Variants in SNTG2 observed in about 807,000 individuals in gnomAD.
The protein encoded by SNTG2 is syntrophin gamma 2.
In SNTG2, 74 loss-of-function variants were observed where a neutral mutation model predicts 70.9. That is an observed-to-expected ratio of 1.04 (90% CI 0.86 to 1.27). The LOEUF (loss-of-function observed/expected upper bound fraction) is 1.27. Among genes scored for constraint, SNTG2 ranks in the 50% most tolerant of loss-of-function variants. The pLI, the probability that SNTG2 is intolerant of heterozygous loss-of-function variation, is 0.00. For synonymous variants in SNTG2, 278 were observed against 273.8 expected (o/e 1.02, Z -0.15); for missense variants, 717 against 690.7 (o/e 1.04, Z -0.43).
chr2:970,586 A>G (rs1175085956), intron 1 of SNTG2, among the ~76,000 whole-genome samples: 1 of 143,820 alleles, frequency 7.0e-6, no homozygotes, highest in Non-Finnish European at 1.5e-5. Context: ...TGTCCCTACA[A>G]AGGACATGAA....
rs568858010 is a variant in SNTG2, at chr2:1,215,541, C to T, written c.719+6311C>T. Among the ~76,000 whole-genome samples the T allele has an allele frequency of 2.4e-3, 246 of 101,590 alleles. 1 individual carries two copies. The highest frequency in any genetic ancestry group is 0.014 in the African/African-American group (230 of 17,024). The allele number at this position is 101,590 out of a possible 152,430, so 66.6% of individuals were successfully genotyped here. On this transcript the variant is annotated intron_variant, in intron 9 of 16. Transcript: ENST00000308624. The stretch of plus-strand genomic sequence containing the variant: ...TTTAAAAGCGTGTTTTACACTAATT[C>T]TTTTTTTTCTTTTTTTTCTTTTTTT...
chr2:1,011,081 GT>G (rs961543308), intron 1 of SNTG2, among the ~76,000 whole-genome samples: 1 of 152,200 alleles, frequency 6.6e-6, no homozygotes, highest in African/African-American at 2.4e-5. Context: ...TTTTCTTTTA[GT>G]TTATTGAACG....
chr2:1,196,082 G>A (rs1015296073), intron 8 of SNTG2, among the ~76,000 whole-genome samples: 3 of 152,032 alleles, frequency 2.0e-5, no homozygotes, highest in African/African-American at 7.2e-5. Context: ...GTGAGTAACT[G>A]CTTTATAGTT....
chr2:1,306,551 G>A (rs1003207101), intron 14 of SNTG2, among the ~76,000 whole-genome samples: 11 of 152,218 alleles, frequency 7.2e-5, no homozygotes, highest in Non-Finnish European at 1.3e-4. Context: ...GGAGCGGGGG[G>A]ACAGTGGAGG....
chr2:1,078,108 T>C (rs2148155902), intron 1 of SNTG2, among the ~76,000 whole-genome samples: 1 of 152,336 alleles, frequency 6.6e-6, no homozygotes, highest in South Asian at 2.1e-4. Flanking sequence ...TTATTGGAAC[T>C]GCATGGATAA....
chr2:1,179,748 T>C (rs1220421255), intron 8 of SNTG2, among the ~76,000 whole-genome samples: 9 of 150,202 alleles, frequency 6.0e-5, no homozygotes, highest in Non-Finnish European at 1.3e-4. Flanking sequence ...AAAAAGAGCC[T>C]GCATCGCCAA....
chr2:1,165,275 A>T (rs966167297), intron 6 of SNTG2, among the ~76,000 whole-genome samples: 12 of 152,138 alleles, frequency 7.9e-5, no homozygotes, highest in Non-Finnish European at 1.8e-4. Context: ...AGGGATGCAG[A>T]GAGCATCCCT....
At chr2:966,322 T>G (rs952025972) in intron 1 of SNTG2, among the ~76,000 whole-genome samples, 4 of 152,248 alleles carry the variant, frequency 2.6e-5, no homozygotes, top group African/African-American at 9.6e-5. Context: ...TACTTAAAAA[T>G]TTAAATATCT....
chr2:1,187,943 C>T (rs994247308), intron 8 of SNTG2, among the ~76,000 whole-genome samples: 1 of 152,184 alleles, frequency 6.6e-6, no homozygotes, highest in Non-Finnish European at 1.5e-5. Flanking sequence ...AACAGACTTT[C>T]GCTAGTAGAA....
intron 14 of SNTG2, among the ~76,000 whole-genome samples, chr2:1,295,027 T>G (rs1368681514): frequency 1.3e-5 from 2 of 152,012 alleles, no homozygotes; most frequent in Admixed American, 6.6e-5. Flanking sequence ...CTGCGCTGAG[T>G]GTGAAGGATC....
At chr2:995,953 CTG>C (rs915121740) in intron 1 of SNTG2, among the ~76,000 whole-genome samples, 3 of 152,260 alleles carry the variant, frequency 2.0e-5, no homozygotes, top group South Asian at 2.1e-4. Context: ...AATAGAATTT[CTG>C]GTTTTAAAAT....
intron 16 of SNTG2, among the ~76,000 whole-genome samples, chr2:1,362,813 G>A (rs575541842): frequency 1.5e-4 from 22 of 151,286 alleles, no homozygotes; most frequent in African/African-American, 4.4e-4. Context: ...GAAAGTCACC[G>A]ATGCTGAGCA....
At chr2:1,207,594 G>T (rs1673719991) in intron 8 of SNTG2, among the ~76,000 whole-genome samples, 1 of 152,070 alleles carries the variant, frequency 6.6e-6, no homozygotes, top group South Asian at 2.1e-4. Context: ...GAATGAGAAG[G>T]GGGCTTATAT....
At chr2:1,329,244 AG>A (rs1490591897) in intron 16 of SNTG2, among the ~76,000 whole-genome samples, 1 of 152,204 alleles carries the variant, frequency 6.6e-6, no homozygotes, top group Admixed American at 6.5e-5. Context: ...ATTTAGCTTA[AG>A]AGAAAAGGCT....
At chr2:1,290,235 T>C (rs1679933940) in intron 14 of SNTG2, among the ~76,000 whole-genome samples, 1 of 151,610 alleles carries the variant, frequency 6.6e-6, no homozygotes, top group African/African-American at 2.4e-5. Flanking sequence ...CTTACAATCA[T>C]GGCAGAAGGC....
At chr2:1,271,332 T>C (rs1679007409) in intron 14 of SNTG2, among the ~76,000 whole-genome samples, 1 of 152,182 alleles carries the variant, frequency 6.6e-6, no homozygotes, top group Non-Finnish European at 1.5e-5. Context: ...TCATCACATA[T>C]GCATGTTGTT....
intron 4 of SNTG2, among the ~76,000 whole-genome samples, chr2:1,131,182 G>A (rs1319477699): frequency 6.6e-6 from 1 of 152,136 alleles, no homozygotes; most frequent in Non-Finnish European, 1.5e-5. Context: ...TACATGCACT[G>A]TCTGATTTAT....
chr2:1,092,204 A>G (rs1026334171), intron 2 of SNTG2, among the ~76,000 whole-genome samples: 6 of 152,244 alleles, frequency 3.9e-5, no homozygotes, highest in Admixed American at 2.0e-4. Flanking sequence ...TTGTTTTTCT[A>G]TAAATTTCTA....
intron 16 of SNTG2, among the ~76,000 whole-genome samples, chr2:1,347,531 T>A (rs1202174153): frequency 2.0e-5 from 3 of 152,232 alleles, no homozygotes; most frequent in Non-Finnish European, 4.4e-5. Flanking sequence ...CACTCCCTGT[T>A]CCTCTCTGTC....
Sources: allele counts gnomAD v4.1 joint callset (sites outside exome capture counted in the v4.1 genomes callset), GRCh38; gene constraint gnomAD v4.1.1; transcripts MANE v1.5; gene names NCBI Gene and HGNC (gene_info 2026-07-23, HGNC 2026-07-21).